LIN52: variants seen among roughly 807,000 people sequenced by gnomAD.
LIN52 encodes protein lin-52 homolog.
A neutral mutation model predicts 18.5 loss-of-function variants in LIN52; 4 were observed. That is an observed-to-expected ratio of 0.22 (90% CI 0.11 to 0.49). The LOEUF (loss-of-function observed/expected upper bound fraction) is 0.49. LIN52 is among the 20% of genes least tolerant of loss of function. The probability of loss-of-function intolerance (pLI) is 0.97; values close to 1 mark genes in which losing one functional copy is unlikely to be tolerated. For synonymous variants in LIN52, 34 were observed against 45.5 expected, an observed-to-expected ratio of 0.75 and a Z score of 1.02; for missense variants, 102 against 139.5, an observed-to-expected ratio of 0.73 and a Z score of 1.35.
chr14:74,142,191 C>T (rs893584392), intron 5 of LIN52, among the ~76,000 whole-genome samples: 1 of 152,136 alleles, frequency 6.6e-6, no homozygotes, highest in African/African-American at 2.4e-5. Context: ...GGGAGCATTG[C>T]AAGTCTTTTT....
At chr14:74,147,041 T>C (rs1695005120) in intron 5 of LIN52, among the ~76,000 whole-genome samples, 2 of 152,082 alleles carry the variant, frequency 1.3e-5, no homozygotes, top group Non-Finnish European at 2.9e-5. Flanking sequence ...GGTGGATCAC[T>C]TGAGGTCAGG....
At chr14:74,171,190 C>A (rs952223795) in intron 5 of LIN52, among the ~76,000 whole-genome samples, 2 of 151,738 alleles carry the variant, frequency 1.3e-5, no homozygotes, top group Non-Finnish European at 2.9e-5. Flanking sequence ...CCAGCCTGGA[C>A]AACATAGCAA....
rs539826863 is a variant in LIN52, at chr14:74,168,662, C to T, written c.284-30260C>T. Among the ~76,000 whole-genome samples, 207 of 149,814 alleles carry T rather than the reference C, an allele frequency of 1.4e-3. 1 individual carries two copies. Among genetic ancestry groups the T allele is most frequent in the African/African-American group, 4.8e-3 (194 of 40,544 alleles). The stretch of plus-strand genomic sequence containing the variant: ...CAGCCTGGGTGACAGAGTGAGACTC[C>T]GTCTCAGAAAAAAAAAAGAAAAATT... On this transcript the variant is annotated intron_variant, in intron 5 of 5. Coordinates refer to ENST00000555028, the MANE Select transcript of LIN52 (RefSeq NM_001024674.3).
intron 5 of LIN52, chr14:74,114,175 A>AGTTGT (rs2060949258): frequency 1.2e-6 from 1 of 802,794 alleles, no homozygotes; most frequent in East Asian, 1.4e-4. Context: ...AACTGAGATT[A>AGTTGT]GTGTGTGTGT....
chr14:74,142,448 A>G (rs986288742), intron 5 of LIN52, among the ~76,000 whole-genome samples: 5 of 152,172 alleles, frequency 3.3e-5, no homozygotes, highest in Non-Finnish European at 5.9e-5. Context: ...TATTAGATTC[A>G]TGGGATGTAG....
At chr14:74,185,084 C>G (rs1171365472) in intron 5 of LIN52, among the ~76,000 whole-genome samples, 1 of 151,874 alleles carries the variant, frequency 6.6e-6, no homozygotes, top group Non-Finnish European at 1.5e-5. Context: ...ATCCATTTCT[C>G]CAAGGAACCC....
intron 2 of LIN52, 137 bp from the exon 3 acceptor site, chr14:74,095,811 T>C (rs2060807664): frequency 8.7e-6 from 5 of 575,070 alleles, no homozygotes; most frequent in Middle Eastern, 4.9e-4. Context: ...ACTGAAACAG[T>C]GTTATAGTTA....
chr14:74,187,225 G>A (rs1189192581), intron 5 of LIN52, among the ~76,000 whole-genome samples: 1 of 152,184 alleles, frequency 6.6e-6, no homozygotes, highest in Non-Finnish European at 1.5e-5. Context: ...TGGTCTTAAA[G>A]TTTGGAAATG....
intron 1 of LIN52, among the ~76,000 whole-genome samples, chr14:74,087,246 T>C (rs1020317753): frequency 6.6e-6 from 1 of 151,862 alleles, no homozygotes; most frequent in African/African-American, 2.4e-5. Context: ...AAACCCTGTC[T>C]CTACTAAAAA....
chr14:74,156,521 C>A (rs1814619543), intron 5 of LIN52, among the ~76,000 whole-genome samples: 1 of 152,126 alleles, frequency 6.6e-6, no homozygotes, highest in Admixed American at 6.5e-5. Context: ...TTAATTGACA[C>A]ATAATAATTG....
At chr14:74,144,499 G>A (rs187437764) in intron 5 of LIN52, among the ~76,000 whole-genome samples, 1 of 152,138 alleles carries the variant, frequency 6.6e-6, no homozygotes, top group African/African-American at 2.4e-5. Flanking sequence ...TTCTTTTTCT[G>A]GTATTCTCAA....
chr14:74,191,783 A>G (rs904209816), intron 5 of LIN52, among the ~76,000 whole-genome samples: 2 of 151,398 alleles, frequency 1.3e-5, no homozygotes, highest in Non-Finnish European at 2.9e-5. Context: ...ACAGGCACCC[A>G]CCACCACGCC....
chr14:74,156,354 C>A (rs551755163), intron 5 of LIN52, among the ~76,000 whole-genome samples: 2 of 152,190 alleles, frequency 1.3e-5, no homozygotes, highest in South Asian at 2.1e-4. Flanking sequence ...ATTCTAATAA[C>A]CCTTTCCTAT....
At chr14:74,135,154 T>C (rs1207838029) in intron 5 of LIN52, among the ~76,000 whole-genome samples, 3 of 152,168 alleles carry the variant, frequency 2.0e-5, no homozygotes, top group Non-Finnish European at 4.4e-5. Context: ...GATCTCCGCT[T>C]CCCGGGTTCA....
chr14:74,085,714 T>G (rs2060724474), intron 1 of LIN52: 1 of 152,216 alleles, frequency 6.6e-6, no homozygotes, highest in Non-Finnish European at 1.5e-5. Context: ...ACAATTAAGT[T>G]GTTTTGGTAT....
intron 5 of LIN52, among the ~76,000 whole-genome samples, chr14:74,158,328 G>T (rs1327056197): frequency 2.0e-5 from 3 of 151,632 alleles, no homozygotes; most frequent in Non-Finnish European, 4.4e-5. Flanking sequence ...GGCCAGGCTG[G>T]TCTCAAACTC....
intron 5 of LIN52, among the ~76,000 whole-genome samples, chr14:74,133,497 A>C (rs2061080203): frequency 6.6e-6 from 1 of 152,234 alleles, no homozygotes; most frequent in Non-Finnish European, 1.5e-5. Context: ...CACATTAATT[A>C]ACACATTAAT....
intron 5 of LIN52, among the ~76,000 whole-genome samples, chr14:74,103,761 TTTTTTTTTA>T (rs2060878182): frequency 8.6e-6 from 1 of 115,690 alleles, no homozygotes; most frequent in African/African-American, 3.5e-5. Context: ...TTTTTTTTTT[TTTTTTTTTA>T]AGAGACTGGG....
At chr14:74,101,717 C>T (rs1171287207) in intron 5 of LIN52, among the ~76,000 whole-genome samples, 2 of 152,180 alleles carry the variant, frequency 1.3e-5, no homozygotes, top group Non-Finnish European at 2.9e-5. Flanking sequence ...GCCTCGGCCT[C>T]CCAAAGTGCT....
Sources: gnomAD v4.1 joint callset for allele counts (sites outside exome capture counted in the v4.1 genomes callset) on GRCh38, gnomAD v4.1.1 for gene constraint, MANE v1.5 for transcripts, NCBI Gene and HGNC (gene_info 2026-07-23, HGNC 2026-07-21) for gene names.